Variants in LRRC4C observed in about 807,000 individuals in gnomAD.
LRRC4C encodes the protein leucine-rich repeat-containing protein 4C.
A neutral mutation model predicts 33.6 loss-of-function variants in LRRC4C; 5 were observed. The ratio of observed to expected loss-of-function variants is 0.15; its 90% CI spans 0.08 to 0.31. The LOEUF is 0.31. LRRC4C is among the 10% of genes least tolerant of loss of function. LRRC4C has a pLI of 1.00. For synonymous variants in LRRC4C, 329 were observed against 302.0 expected (o/e 1.09, Z -0.93); for missense variants, 560 against 796.7 (o/e 0.70, Z 3.58).
Position 40,774,030 on chromosome 11 carries a change from T to C in LRRC4C, c.-406-125752A>G, listed in dbSNP as rs1474110823. Among the ~76,000 whole-genome samples the C allele has an allele frequency of 2.6e-5, 4 of 152,144 alleles. No individual in the cohort carries two copies. The South Asian group carries it at 8.3e-4, about 31-fold the overall frequency. On this transcript the variant is annotated intron_variant, in intron 2 of 6. Coordinates refer to ENST00000528697, the MANE Select transcript of LRRC4C (RefSeq NM_001258419.2). The stretch of plus-strand genomic sequence containing the variant: ...CTCTGATTCTCTCCTCACCTATCCC[T>C]GGCAACTATTAATCTGCTTTTTGTG...
intron 1 of LRRC4C, among the ~76,000 whole-genome samples, chr11:41,277,375 C>T (rs993815567): frequency 6.6e-6 from 1 of 152,152 alleles, no homozygotes; most frequent in South Asian, 2.1e-4. Context: ...ATCTCACAGA[C>T]AACTTTTAGA....
At chr11:40,549,248 G>T (rs1957044414) in intron 3 of LRRC4C, among the ~76,000 whole-genome samples, 2 of 152,040 alleles carry the variant, frequency 1.3e-5, no homozygotes, top group Admixed American at 1.3e-4. Context: ...TAAGATACTG[G>T]TTAACTGGTT....
intron 1 of LRRC4C, among the ~76,000 whole-genome samples, chr11:41,176,125 A>G (rs1945188392): frequency 6.6e-6 from 1 of 152,190 alleles, no homozygotes; most frequent in African/African-American, 2.4e-5. Flanking sequence ...ACTGGATTCT[A>G]TTGCATTCTC....
At chr11:40,623,848 T>C (rs1467932962) in intron 3 of LRRC4C, among the ~76,000 whole-genome samples, 1 of 152,060 alleles carries the variant, frequency 6.6e-6, no homozygotes, top group African/African-American at 2.4e-5. Flanking sequence ...GGTCCTTATC[T>C]CAACAGAATC....
intron 3 of LRRC4C, among the ~76,000 whole-genome samples, chr11:40,510,288 A>G (rs182554479): frequency 1.3e-5 from 2 of 151,264 alleles, no homozygotes; most frequent in African/African-American, 4.8e-5. Context: ...TATCCCTATG[A>G]GAAGCATTGC....
At chr11:40,938,421 T>C (rs1958000940) in intron 1 of LRRC4C, among the ~76,000 whole-genome samples, 1 of 152,114 alleles carries the variant, frequency 6.6e-6, no homozygotes, top group Non-Finnish European at 1.5e-5. Context: ...AGTAGAGACA[T>C]TGTACAAACA....
At chr11:40,765,523 T>C (rs536056737) in intron 2 of LRRC4C, among the ~76,000 whole-genome samples, 1 of 152,288 alleles carries the variant, frequency 6.6e-6, no homozygotes, top group South Asian at 2.1e-4. Flanking sequence ...TGTGTTACCT[T>C]TCAGGCAGAT....
chr11:41,116,675 T>C (rs1340958553), intron 1 of LRRC4C, among the ~76,000 whole-genome samples: 1 of 152,078 alleles, frequency 6.6e-6, no homozygotes, highest in East Asian at 1.9e-4. Context: ...CTAAAACCAA[T>C]GAAAATGACT....
At chr11:41,311,504 C>A (rs549212824) in intron 1 of LRRC4C, among the ~76,000 whole-genome samples, 28 of 152,152 alleles carry the variant, frequency 1.8e-4, no homozygotes, top group Admixed American at 1.6e-3. Context: ...ATCTAACTTC[C>A]TCTACTGTAT....
chr11:40,296,594 A>G (rs1944525422), intron 4 of LRRC4C, among the ~76,000 whole-genome samples: 2 of 152,166 alleles, frequency 1.3e-5, no homozygotes, highest in African/African-American at 4.8e-5. Flanking sequence ...GCCAGGCATG[A>G]ATTTGTAACC....
intron 3 of LRRC4C, among the ~76,000 whole-genome samples, chr11:40,553,728 T>C (rs2135460696): frequency 6.6e-6 from 1 of 152,324 alleles, no homozygotes; most frequent in East Asian, 1.9e-4. Flanking sequence ...CCTTCTTGTA[T>C]ATATTCTTTT....
chr11:40,320,204 A>G (rs1354556604), intron 3 of LRRC4C, among the ~76,000 whole-genome samples: 2 of 152,172 alleles, frequency 1.3e-5, no homozygotes, highest in Non-Finnish European at 2.9e-5. Flanking sequence ...GCTGAAACTG[A>G]CATTAAAAAA....
rs537983913 is a variant in LRRC4C at position 40,326,492 on chromosome 11, C to T, written c.-269-6771G>A. 1.2e-4 allele frequency among the ~76,000 whole-genome samples: 18 copies of T among 150,142 alleles called. No homozygotes were observed. In the South Asian group the frequency reaches 1.7e-3, roughly 14 times the overall value. ...CAGAGAATTGCTTGAACCCGGGAGG[C>T]AGAAGTTGTAGTGAGCCAAGATCAT... On this transcript the variant is annotated intron_variant, in intron 3 of 6. Transcript: ENST00000528697.
At chr11:40,443,962 T>C (rs1221515541) in intron 3 of LRRC4C, among the ~76,000 whole-genome samples, 2 of 152,220 alleles carry the variant, frequency 1.3e-5, no homozygotes, top group Admixed American at 6.5e-5. Flanking sequence ...GAATTCACAT[T>C]GTAAAAAAGT....
intron 3 of LRRC4C, among the ~76,000 whole-genome samples, chr11:40,486,577 G>A (rs909842213): frequency 1.3e-5 from 2 of 151,972 alleles, no homozygotes; most frequent in African/African-American, 4.8e-5. Flanking sequence ...CTAATATCAG[G>A]AAATTAATTT....
intron 2 of LRRC4C, among the ~76,000 whole-genome samples, chr11:40,806,243 C>A (rs113568517): frequency 2.6e-5 from 4 of 152,176 alleles, no homozygotes; most frequent in Non-Finnish European, 4.4e-5. Context: ...ATGTCTGGAG[C>A]TTGGGATGAG....
intron 1 of LRRC4C, among the ~76,000 whole-genome samples, chr11:41,421,279 A>G (rs1954864714): frequency 6.6e-6 from 1 of 151,986 alleles, no homozygotes. Flanking sequence ...ATATTTGGAG[A>G]TATTTCTACA....
At chr11:40,415,941 T>C (rs548682757) in intron 3 of LRRC4C, among the ~76,000 whole-genome samples, 12 of 152,202 alleles carry the variant, frequency 7.9e-5, no homozygotes, top group Non-Finnish European at 1.8e-4. Flanking sequence ...AAATTATAAC[T>C]CTTATTTTTG....
chr11:40,857,136 C>A (rs1024116681), intron 2 of LRRC4C, among the ~76,000 whole-genome samples: 1 of 152,164 alleles, frequency 6.6e-6, no homozygotes, highest in Admixed American at 6.5e-5. Context: ...TTATAAGACA[C>A]AATGCCTTGC....
Sources: gnomAD v4.1 joint callset for allele counts (sites outside exome capture counted in the v4.1 genomes callset) on GRCh38, gnomAD v4.1.1 for gene constraint, MANE v1.5 for transcripts, NCBI Gene and HGNC (gene_info 2026-07-23, HGNC 2026-07-21) for gene names.